Variants in TUBGCP5 observed in about 807,000 individuals in gnomAD.
The protein encoded by TUBGCP5 is tubulin gamma complex component 5, also known as gamma-tubulin complex component 5.
TUBGCP5 carries 98 observed loss-of-function variants against 134.7 expected under a neutral mutation model. The observed-to-expected ratio is 0.73, with a 90% CI of 0.62 to 0.86. TUBGCP5 has a LOEUF of 0.86. Among genes scored for constraint, TUBGCP5 ranks in the 40% least tolerant of loss-of-function variants. The pLI, the probability that TUBGCP5 is intolerant of heterozygous loss-of-function variation, is 0.00. For synonymous variants in TUBGCP5, 456 were observed against 431.4 expected (o/e 1.06, Z -0.71); for missense variants, 1,150 against 1,244.8 (o/e 0.92, Z 1.15).
At chr15:23,009,890 G>T in intron 15 of TUBGCP5, 55 bp downstream of exon 15, 1 of 1,511,680 alleles carries the variant, frequency 6.6e-7, no homozygotes, top group Non-Finnish European at 9.0e-7. Context: ...AATCTCAACT[G>T]TTCTTCAAGT....
chr15:23,008,952 G>T, intron 15 of TUBGCP5, 71 bp from the exon 16 acceptor site: 2 of 1,328,782 alleles, frequency 1.5e-6, no homozygotes, highest in South Asian at 1.6e-5. Flanking sequence ...ATCAACAACA[G>T]GTTTTGTAAC....
chr15:23,014,335 C>T (rs1008201309), intron 13 of TUBGCP5, among the ~76,000 whole-genome samples: 1 of 152,174 alleles, frequency 6.6e-6, no homozygotes, highest in African/African-American at 2.4e-5. Context: ...CGGCCTTGCA[C>T]GGCATCTTTG....
chr15:23,021,095 G>T (rs1235313965), intron 11 of TUBGCP5, among the ~76,000 whole-genome samples: 1 of 152,012 alleles, frequency 6.6e-6, no homozygotes, highest in African/African-American at 2.4e-5. Flanking sequence ...CACCATGTTG[G>T]CCAGGCTGGT....
chr15:23,032,152 TG>T (rs1243630286), intron 4 of TUBGCP5, 123 bp from the exon 5 acceptor site: 3 of 620,608 alleles, frequency 4.8e-6, no homozygotes, highest in East Asian at 5.7e-5. Context: ...TTAAAAATAT[TG>T]AAACATTTAA....
chr15:23,027,061 A>T, intron 7 of TUBGCP5, 131 bp downstream of exon 7: 2 of 747,376 alleles, frequency 2.7e-6, no homozygotes, highest in South Asian at 3.8e-5. Flanking sequence ...CTGTCTCCAA[A>T]AAAAAAAGAA....
chr15:23,003,348 C>G (rs73411341), intron 20 of TUBGCP5, among the ~76,000 whole-genome samples, 195 bp from the exon 21 acceptor site: 5,170 of 152,278 alleles, frequency 0.034, 301 homozygotes, highest in African/African-American at 0.12. Context: ...ATGTAAGATA[C>G]AAGTGATATT....
Position 23,004,138 on chromosome 15 carries a change from C to T in TUBGCP5, c.2802G>A (p.Leu934=), listed in dbSNP as rs777942951. ...DQLIKIHYRY[L]STIHDRCLLR... ...GCAGACACCGGTCATGGATGGTTGA[C>T]AGATACCTATAGTGAATTTTAATCA... is the stretch of plus-strand genomic sequence containing the variant. Residue 934 remains leucine (L), a synonymous_variant, in exon 20 of 23, where the codon CTG becomes CTA. Transcript: ENST00000615383. 2.5e-6 allele frequency: 4 copies of T among 1,612,950 alleles called. No homozygotes were observed. The highest frequency in any genetic ancestry group is 3.4e-6 in the Non-Finnish European group (4 of 1,179,738).
chr15:22,995,517 A>T (rs768756108), downstream of TUBGCP5, among the ~76,000 whole-genome samples: 3 of 147,580 alleles, frequency 2.0e-5, no homozygotes, highest in Non-Finnish European at 4.4e-5. Flanking sequence ...GCAAACACAC[A>T]CCAGGTGAGA....
At chr15:23,024,490 A>G in intron 9 of TUBGCP5, 1 of 431,188 alleles carries the variant, frequency 2.3e-6, no homozygotes, top group East Asian at 3.9e-5. Flanking sequence ...GACAAATAAA[A>G]AGCAGAAAAT....
At chr15:22,987,266 G>A (rs372965029) in intron 23 of TUBGCP5, among the ~76,000 whole-genome samples, 36 of 151,352 alleles carry the variant, frequency 2.4e-4, no homozygotes, top group African/African-American at 8.0e-4. Context: ...TGGGGGAGGC[G>A]GAGGTTGTGG....
chr15:23,011,344 G>T lies in TUBGCP5; in HGVS notation c.1757-13C>A, dbSNP rs754821982. 1.4e-5 allele frequency: 22 copies of T among 1,600,884 alleles called. No homozygotes were observed. Among genetic ancestry groups the T allele is most frequent in the Non-Finnish European group, 1.7e-5 (20 of 1,170,688 alleles). ...TTTCTTTCTGCATCTGAAACATAAA[G>T]AAATATGTAAGGTGAACTAAGTTCT... On this transcript the variant is annotated splice_polypyrimidine_tract_variant and intron_variant, in intron 13 of 22. Transcript: ENST00000615383.
chr15:23,006,215 A>C (rs1180518488), intron 17 of TUBGCP5, 43 bp from the exon 18 acceptor site: 1 of 1,610,268 alleles, frequency 6.2e-7, no homozygotes. Context: ...AATTACTTGC[A>C]TGTTTTAATG....
At chr15:23,023,704 A>G in intron 10 of TUBGCP5, 2 of 363,410 alleles carry the variant, frequency 5.5e-6, no homozygotes, top group Non-Finnish European at 1.0e-5. Context: ...AGGAGAACTG[A>G]CTGGCTGGGG....
chr15:23,036,249 G>A (rs553623485), intron 3 of TUBGCP5, among the ~76,000 whole-genome samples: 5 of 152,254 alleles, frequency 3.3e-5, no homozygotes, highest in African/African-American at 4.8e-5. Flanking sequence ...AGGCTCAGCC[G>A]AGTGGCCCTG....
intron 23 of TUBGCP5, among the ~76,000 whole-genome samples, chr15:22,991,174 T>C (rs1177585483): frequency 1.3e-5 from 2 of 151,994 alleles, no homozygotes; most frequent in African/African-American, 4.8e-5. Context: ...GTCAGCTCAC[T>C]GCAACCTCTG....
intron 14 of TUBGCP5, among the ~76,000 whole-genome samples, chr15:23,010,874 G>A (rs2064997198): frequency 6.6e-6 from 1 of 151,926 alleles, no homozygotes; most frequent in South Asian, 2.1e-4. Flanking sequence ...AGGTAGCTGG[G>A]AGGCTGAGGT....
chr15:23,026,998 G>A (rs2066018619), intron 7 of TUBGCP5, among the ~76,000 whole-genome samples, 194 bp downstream of exon 7: 1 of 152,142 alleles, frequency 6.6e-6, no homozygotes, highest in Admixed American at 6.5e-5. Context: ...CTAGACTGCA[G>A]TGAGCTGAGA....
rs71414252 is a variant in TUBGCP5, at chr15:22,993,525, GTTTTTTTTTTTTTTT to G, written c.*61+3305_*61+3319del. 1.5e-3 allele frequency among the ~76,000 whole-genome samples: 102 copies of G among 69,278 alleles called. 1 individual carries two copies. Among genetic ancestry groups the G allele is most frequent in the Middle Eastern group, 0.01 (1 of 96 alleles). The allele number at this position is 69,278 out of a possible 152,430, so 45.4% of individuals were successfully genotyped here. A position where few individuals can be genotyped will look rare whatever the true frequency, so the allele number is the denominator to read the frequency against. ...TAATCCTCCCACCTCAGCCCCCGAA[GTTTTTTTTTTTTTTT>G]TTTTTTTTTTTTTTTTTAATATGAG... On this transcript the variant is annotated intron_variant and NMD_transcript_variant, in intron 23 of 23. Transcript: ENST00000614508.
rs1446567966 is a variant in TUBGCP5 at position 23,006,266 on chromosome 15, A to G, written c.2412+2T>C. 1 of 1,608,238 alleles carries G rather than the reference A, an allele frequency of 6.2e-7. No individual in the cohort carries two copies. The highest frequency in any genetic ancestry group is 1.1e-5 in the South Asian group (1 of 89,328). ...GTTCATACAAGGAATATCAGCATAT[A>G]CCTTGTAGCTGAGGGTCAGACCATC... On this transcript the variant is annotated splice_donor_variant, in intron 17 of 22. Coordinates refer to ENST00000615383, the MANE Select transcript of TUBGCP5 (RefSeq NM_052903.6). LOFTEE classifies it high-confidence loss of function.
Sources: gnomAD v4.1 joint callset for allele counts (sites outside exome capture counted in the v4.1 genomes callset) on GRCh38, gnomAD v4.1.1 for gene constraint, MANE v1.5 for transcripts, NCBI Gene and HGNC (gene_info 2026-07-23, HGNC 2026-07-21) for gene names.